VPS41: variants seen among roughly 807,000 people sequenced by gnomAD.
The protein encoded by VPS41 is vacuolar protein sorting-associated protein 41 homolog.
A neutral mutation model predicts 130.9 loss-of-function variants in VPS41; 85 were observed. The observed-to-expected ratio is 0.65, with a 90% CI of 0.55 to 0.78. The LOEUF (loss-of-function observed/expected upper bound fraction) is 0.78. Ranked by LOEUF, VPS41 falls within the 30% of genes least tolerant of loss-of-function variation. VPS41 has a pLI of 0.00. For synonymous variants in VPS41, 335 were observed against 332.9 expected (o/e 1.01, Z -0.07); for missense variants, 874 against 1,018.7 (o/e 0.86, Z 1.93).
At chr7:38,732,138 C>T (rs1795677156) in intron 25 of VPS41, among the ~76,000 whole-genome samples, 1 of 152,202 alleles carries the variant, frequency 6.6e-6, no homozygotes, top group South Asian at 2.1e-4. Flanking sequence ...GGATGTAAAG[C>T]CTAGTGATAC....
chr7:38,778,056 T>C (rs1784293126), intron 10 of VPS41, among the ~76,000 whole-genome samples: 2 of 152,078 alleles, frequency 1.3e-5, no homozygotes. Context: ...CAAAATAAAA[T>C]TGTGGATGAC....
intron 2 of VPS41, among the ~76,000 whole-genome samples, chr7:38,891,496 T>C (rs1786865456): frequency 6.6e-6 from 1 of 152,172 alleles, no homozygotes; most frequent in Non-Finnish European, 1.5e-5. Context: ...GCATCTGTTT[T>C]TGAACAGCCC....
chr7:38,805,630 T>A (rs1784826483), intron 7 of VPS41, among the ~76,000 whole-genome samples: 1 of 151,976 alleles, frequency 6.6e-6, no homozygotes, highest in Admixed American at 6.6e-5. Context: ...GAACCCAATT[T>A]CAAGCATTAT....
chr7:38,828,982 C>T (rs536808607), intron 5 of VPS41, among the ~76,000 whole-genome samples: 7 of 152,182 alleles, frequency 4.6e-5, no homozygotes, highest in Middle Eastern at 3.4e-3. Context: ...CAAATTAGTT[C>T]GGTTAAACTG....
chr7:38,867,802 C>T (rs1786261978), intron 3 of VPS41, among the ~76,000 whole-genome samples: 1 of 152,144 alleles, frequency 6.6e-6, no homozygotes, highest in Non-Finnish European at 1.5e-5. Flanking sequence ...TCTATACCAG[C>T]ACATGGCTGC....
chr7:38,790,516 CA>C (rs1168181045), intron 9 of VPS41, among the ~76,000 whole-genome samples: 1 of 151,814 alleles, frequency 6.6e-6, no homozygotes, highest in East Asian at 1.9e-4. Context: ...AAAAATTCTA[CA>C]AAATTCCAAA....
chr7:38,804,927 G>T (rs980346752), intron 7 of VPS41, among the ~76,000 whole-genome samples: 1 of 152,194 alleles, frequency 6.6e-6, no homozygotes, highest in Admixed American at 6.5e-5. Context: ...TACCAAACAC[G>T]TTGAGTCTGT....
At chr7:38,850,568 G>T (rs188658991) in intron 4 of VPS41, among the ~76,000 whole-genome samples, 1 of 152,298 alleles carries the variant, frequency 6.6e-6, no homozygotes, top group South Asian at 2.1e-4. Context: ...GAAAGTCAAT[G>T]TCTCCCTAAA....
In VPS41 at chr7:38,797,538, A is replaced by C. The variant is rs889218564; in HGVS notation, c.451-674T>G. On this transcript the variant is annotated intron_variant, in intron 7 of 28. Coordinates refer to ENST00000310301, the MANE Select transcript of VPS41 (RefSeq NM_014396.4). The stretch of plus-strand genomic sequence containing the variant: ...TAATTCTAGGAAGTCATACATTATT[A>C]AGAACACAATAAATATTTTTCTTGA... Among the ~76,000 whole-genome samples the C allele has an allele frequency of 6.6e-5, 10 of 152,238 alleles. 1 individual carries two copies. Among genetic ancestry groups the C allele is most frequent in the Admixed American group, 3.9e-4 (6 of 15,282 alleles).
intron 15 of VPS41, among the ~76,000 whole-genome samples, chr7:38,767,022 A>G (rs1450569314): frequency 6.6e-6 from 1 of 152,160 alleles, no homozygotes; most frequent in African/African-American, 2.4e-5. Flanking sequence ...CCGTATCACA[A>G]CCCACTGCAT....
intron 4 of VPS41, among the ~76,000 whole-genome samples, chr7:38,848,335 G>C (rs1484933867): frequency 6.6e-6 from 1 of 152,180 alleles, no homozygotes; most frequent in Non-Finnish European, 1.5e-5. Context: ...GGAGCTGAGG[G>C]ATAGGGAGGC....
intron 7 of VPS41, among the ~76,000 whole-genome samples, chr7:38,803,244 C>G (rs1784768855): frequency 6.6e-6 from 1 of 152,190 alleles, no homozygotes; most frequent in Non-Finnish European, 1.5e-5. Flanking sequence ...CCCATCATTA[C>G]TTGTCACTCA....
intron 6 of VPS41, among the ~76,000 whole-genome samples, chr7:38,819,097 T>C (rs927066973): frequency 3.9e-5 from 6 of 152,214 alleles, no homozygotes; most frequent in African/African-American, 1.4e-4. Flanking sequence ...CAGGGACTGA[T>C]TCCAAACATC....
At chr7:38,784,367 G>A (rs1016209147) in intron 10 of VPS41, among the ~76,000 whole-genome samples, 3 of 152,204 alleles carry the variant, frequency 2.0e-5, no homozygotes, top group Non-Finnish European at 4.4e-5. Flanking sequence ...GCCGGGTATG[G>A]TGGCTCACGC....
In VPS41 at chr7:38,830,301, A is replaced by G; in HGVS notation, c.274T>C (p.Leu92=). 6.2e-7 allele frequency: 1 copy of G among 1,612,964 alleles called. No individual in the cohort carries two copies. The part of the protein sequence containing the change: ...VSPVKINQIS[L]DESGEHMGVC... ...CCCATGTGCTCTCCACTTTCATCCA[A>G]GCTAATCTGATTTATCTTCACAGGA... is the stretch of plus-strand genomic sequence containing the variant. The change falls in exon 5 of 29, where the codon TTG becomes CTG. Residue 92 remains leucine, a synonymous_variant. Coordinates refer to ENST00000310301, the MANE Select transcript of VPS41 (RefSeq NM_014396.4).
intron 9 of VPS41, among the ~76,000 whole-genome samples, chr7:38,791,848 G>C (rs1037605818): frequency 6.6e-6 from 1 of 152,058 alleles, no homozygotes; most frequent in Non-Finnish European, 1.5e-5. Context: ...GATAGGTTTA[G>C]GGGGGGTAAA....
intron 25 of VPS41, among the ~76,000 whole-genome samples, chr7:38,738,199 G>T (rs1281240270): frequency 6.6e-6 from 1 of 152,024 alleles, no homozygotes; most frequent in Non-Finnish European, 1.5e-5. Context: ...TACCCATAAT[G>T]AAAAAAACTA....
At chr7:38,781,628 A>G (rs1482198810) in intron 10 of VPS41, among the ~76,000 whole-genome samples, 2 of 152,056 alleles carry the variant, frequency 1.3e-5, no homozygotes, top group Non-Finnish European at 2.9e-5. Flanking sequence ...TTATCACTTA[A>G]CCTTAATCTT....
intron 4 of VPS41, among the ~76,000 whole-genome samples, chr7:38,846,963 C>T (rs1562608129): frequency 6.6e-6 from 1 of 151,928 alleles, no homozygotes; most frequent in South Asian, 2.1e-4. Flanking sequence ...TGCAACTAGG[C>T]AAAGTATGAC....
Sources: allele counts gnomAD v4.1 joint callset (sites outside exome capture counted in the v4.1 genomes callset), GRCh38; gene constraint gnomAD v4.1.1; transcripts MANE v1.5; gene names NCBI Gene and HGNC (gene_info 2026-07-23, HGNC 2026-07-21).